Variants in ST6GALNAC5 observed in about 807,000 individuals in gnomAD.
ST6GALNAC5 encodes ST6 N-acetylgalactosaminide alpha-2,6-sialyltransferase 5.
A neutral mutation model predicts 33.6 loss-of-function variants in ST6GALNAC5; 27 were observed. That is an observed-to-expected ratio of 0.80 (90% confidence interval 0.59 to 1.11). The LOEUF is 1.11. ST6GALNAC5 is among the 50% of genes least tolerant of loss of function. ST6GALNAC5 has a pLI of 0.00. For synonymous variants in ST6GALNAC5, 194 were observed against 171.2 expected, an observed-to-expected ratio of 1.13 and a Z score of -1.04; for missense variants, 428 against 454.0, an observed-to-expected ratio of 0.94 and a Z score of 0.52.
chr1:77,019,738 T>C (rs1027550236), intron 2 of ST6GALNAC5, among the ~76,000 whole-genome samples: 1 of 152,242 alleles, frequency 6.6e-6, no homozygotes, highest in Non-Finnish European at 1.5e-5. Context: ...CGGTTAGCTC[T>C]TTCTGCTAGA....
intron 2 of ST6GALNAC5, among the ~76,000 whole-genome samples, chr1:76,914,972 A>G (rs1348827142): frequency 1.3e-5 from 2 of 151,104 alleles, no homozygotes; most frequent in Non-Finnish European, 3.0e-5. Context: ...CAGAATCTAC[A>G]ATGAACTCAA....
chr1:76,973,347 T>C (rs1025529355), intron 2 of ST6GALNAC5, among the ~76,000 whole-genome samples: 2 of 151,112 alleles, frequency 1.3e-5, no homozygotes, highest in Non-Finnish European at 3.0e-5. Context: ...CATGGAAGAG[T>C]GGATGTTGTA....
chr1:76,892,946 T>C (rs767990992), intron 2 of ST6GALNAC5, among the ~76,000 whole-genome samples: 1 of 152,176 alleles, frequency 6.6e-6, no homozygotes, highest in Non-Finnish European at 1.5e-5. Context: ...TCCCTCACCA[T>C]AACTTGTTTG....
intron 2 of ST6GALNAC5, among the ~76,000 whole-genome samples, chr1:76,937,731 A>G (rs1647226232): frequency 6.6e-6 from 1 of 152,126 alleles, no homozygotes; most frequent in African/African-American, 2.4e-5. Flanking sequence ...TTACCAGAGG[A>G]GCACATGAAA....
At chr1:76,963,962 G>T (rs1382741638) in intron 2 of ST6GALNAC5, among the ~76,000 whole-genome samples, 1 of 152,114 alleles carries the variant, frequency 6.6e-6, no homozygotes, top group African/African-American at 2.4e-5. Context: ...AATGGTAAGA[G>T]AAATGCAATG....
At chr1:76,893,081 C>T (rs761613392) in intron 2 of ST6GALNAC5, among the ~76,000 whole-genome samples, 2 of 152,180 alleles carry the variant, frequency 1.3e-5, no homozygotes, top group Non-Finnish European at 2.9e-5. Flanking sequence ...TTTAATTTAA[C>T]CCCGTCTTGG....
At chr1:76,986,557 G>A (rs1344652315) in intron 2 of ST6GALNAC5, among the ~76,000 whole-genome samples, 2 of 152,220 alleles carry the variant, frequency 1.3e-5, no homozygotes, top group Non-Finnish European at 2.9e-5. Context: ...CTTTTACACT[G>A]TTGGTGGGAG....
At chr1:76,981,317 T>C (rs905566728) in intron 2 of ST6GALNAC5, among the ~76,000 whole-genome samples, 1 of 152,206 alleles carries the variant, frequency 6.6e-6, no homozygotes, top group Non-Finnish European at 1.5e-5. Context: ...TCTTAGCAAC[T>C]GGCAGACAAG....
chr1:77,049,791 T>C (rs1054107076), intron 3 of ST6GALNAC5, among the ~76,000 whole-genome samples: 2 of 152,188 alleles, frequency 1.3e-5, no homozygotes, highest in Non-Finnish European at 2.9e-5. Flanking sequence ...GTTCAGTCAA[T>C]CAACCAATTG....
chr1:77,067,158 T>TG lies in ST6GALNAC5; in HGVS notation c.*3958dup, dbSNP rs3833438. Among the ~76,000 whole-genome samples, 58,556 of 151,888 alleles carry TG rather than the reference T, an allele frequency of 0.39. 12,114 individuals are homozygous for TG. Among genetic ancestry groups the TG allele is most frequent in the African/African-American group, 0.54 (22,159 of 41,400 alleles). ...CAAAGAGAACTATAATAATAAGCCC[T>TG]GGGGGGCAGGATGTGTGAACCAATT... On this transcript the variant is annotated 3_prime_UTR_variant, in exon 5 of 5. Coordinates refer to ENST00000477717, the MANE Select transcript of ST6GALNAC5 (RefSeq NM_030965.3).
chr1:76,936,977 T>G (rs1311310303), intron 2 of ST6GALNAC5, among the ~76,000 whole-genome samples: 1 of 151,550 alleles, frequency 6.6e-6, no homozygotes, highest in Non-Finnish European at 1.5e-5. Flanking sequence ...TGTGTGTGTG[T>G]GTGTGTGTGT....
intron 2 of ST6GALNAC5, among the ~76,000 whole-genome samples, chr1:76,947,689 T>G (rs897468413): frequency 1.3e-5 from 2 of 152,068 alleles, no homozygotes; most frequent in African/African-American, 4.8e-5. Context: ...AAGGCTGCAG[T>G]GAGCTATGAT....
At chr1:76,940,259 G>A (rs1486077758) in intron 2 of ST6GALNAC5, among the ~76,000 whole-genome samples, 1 of 152,002 alleles carries the variant, frequency 6.6e-6, no homozygotes, top group Non-Finnish European at 1.5e-5. Flanking sequence ...AGACACATTA[G>A]TCTTATACCT....
At chr1:77,004,519 T>C (rs1304577249) in intron 2 of ST6GALNAC5, among the ~76,000 whole-genome samples, 5 of 141,394 alleles carry the variant, frequency 3.5e-5, no homozygotes, top group Admixed American at 2.1e-4. Flanking sequence ...TCCAGCTTTG[T>C]TCCATTGCTG....
chr1:77,002,143 T>C (rs34931439), intron 2 of ST6GALNAC5, among the ~76,000 whole-genome samples: 1 of 151,864 alleles, frequency 6.6e-6, no homozygotes, highest in African/African-American at 2.4e-5. Context: ...GTTGGTAAAC[T>C]ATTGATTATT....
In ST6GALNAC5 at chr1:77,059,682, C is replaced by T. The variant is rs538082832; in HGVS notation, c.780-3293C>T. Among the ~76,000 whole-genome samples the T allele has an allele frequency of 3.3e-5, 5 of 152,170 alleles. No homozygotes were observed. In the East Asian group the frequency reaches 7.7e-4, roughly 24 times the overall value. On this transcript the variant is annotated intron_variant, in intron 4 of 4. Transcript: ENST00000477717. Reference sequence around the variant, plus strand: ...GATACTTTCAGGTTATGCAGGTAGCCTATTTCTCCTCATCTTTTTCCCCAT... The same window carrying T: ...GATACTTTCAGGTTATGCAGGTAGCTTATTTCTCCTCATCTTTTTCCCCAT...
At chr1:77,010,656 G>T (rs1435965639) in intron 2 of ST6GALNAC5, among the ~76,000 whole-genome samples, 1 of 138,722 alleles carries the variant, frequency 7.2e-6, no homozygotes, top group South Asian at 2.3e-4. Context: ...TGTGGCACAG[G>T]TTCTCCAACT....
chr1:76,993,580 G>C (rs949719602), intron 2 of ST6GALNAC5, among the ~76,000 whole-genome samples: 3 of 152,110 alleles, frequency 2.0e-5, no homozygotes, highest in African/African-American at 7.2e-5. Flanking sequence ...TGTATTACTA[G>C]AAATAATGAC....
chr1:76,944,923 A>G (rs941222291), intron 2 of ST6GALNAC5, among the ~76,000 whole-genome samples: 3 of 152,142 alleles, frequency 2.0e-5, no homozygotes, highest in African/African-American at 7.2e-5. Context: ...TGAAAATCTG[A>G]CCATATTTTG....
Sources: gnomAD v4.1 joint callset for allele counts (sites outside exome capture counted in the v4.1 genomes callset) on GRCh38, gnomAD v4.1.1 for gene constraint, MANE v1.5 for transcripts, NCBI Gene and HGNC (gene_info 2026-07-23, HGNC 2026-07-21) for gene names.